Variants in STRBP observed in about 807,000 individuals in gnomAD.
STRBP encodes spermatid perinuclear RNA-binding protein.
A neutral mutation model predicts 80.1 loss-of-function variants in STRBP; 13 were observed. The observed-to-expected ratio is 0.16, with a 90% CI of 0.11 to 0.26. The LOEUF (loss-of-function observed/expected upper bound fraction) is 0.26, where lower values mean the gene tolerates loss of function less well. Among genes scored for constraint, STRBP ranks in the 10% least tolerant of loss-of-function variants. STRBP has a pLI of 1.00. For synonymous variants in STRBP, 284 were observed against 291.2 expected (o/e 0.98, Z 0.25); for missense variants, 485 against 815.2 (o/e 0.59, Z 4.93).
chr9:123,260,634 C>T (rs966331409), intron 1 of STRBP, among the ~76,000 whole-genome samples: 13 of 152,124 alleles, frequency 8.5e-5, no homozygotes, highest in South Asian at 6.2e-4. Context: ...GTTGTGGTTA[C>T]GTGGTTTTTT....
intron 2 of STRBP, among the ~76,000 whole-genome samples, chr9:123,223,043 G>C (rs1450983686): frequency 6.9e-6 from 1 of 144,256 alleles, no homozygotes; most frequent in Non-Finnish European, 1.5e-5. Flanking sequence ...AGCTCAGATA[G>C]ATAGATGATA....
At chr9:123,134,955 A>C (rs1030546675) in intron 16 of STRBP, among the ~76,000 whole-genome samples, 5 of 152,224 alleles carry the variant, frequency 3.3e-5, no homozygotes, top group Non-Finnish European at 4.4e-5. Context: ...CATTAAAATA[A>C]GTTTTCTCTA....
chr9:123,119,307 C>T (rs2035693163), downstream of STRBP, among the ~76,000 whole-genome samples: 5 of 151,966 alleles, frequency 3.3e-5, no homozygotes, highest in South Asian at 1.0e-3. Flanking sequence ...TATTAATGCA[C>T]TGGTTGGACA....
chr9:123,212,836 T>C (rs1158837789), intron 2 of STRBP: 1 of 152,208 alleles, frequency 6.6e-6, no homozygotes, highest in African/African-American at 2.4e-5. Flanking sequence ...ATCACAGACA[T>C]TCCTGTGTGG....
chr9:123,203,586 T>G (rs943850326), intron 2 of STRBP, among the ~76,000 whole-genome samples: 2 of 152,108 alleles, frequency 1.3e-5, no homozygotes, highest in Admixed American at 6.6e-5. Context: ...ACTTGCTAGT[T>G]TGCCCCCAAT....
Position 123,179,191 on chromosome 9 carries a change from C to T in STRBP, c.40G>A (p.Val14Ile), listed in dbSNP as rs1370385287. Residue 14 changes from valine to isoleucine, a missense_variant, in exon 4 of 19, where the codon GTT becomes ATT. Transcript: ENST00000348403. ...TAGATTGTTGAATGTTTCACCATAA[C>T]ATGGCGATCATCATTAGCAAAAGAT... ...IRSFANDDRH[V>I]MVKHSTIYPS... 1.2e-6 allele frequency: 2 copies of T among 1,609,926 alleles called. No individual in the cohort carries two copies. Among genetic ancestry groups the T allele is most frequent in the African/African-American group, 1.3e-5 (1 of 74,882 alleles).
intron 4 of STRBP, among the ~76,000 whole-genome samples, chr9:123,177,123 C>T (rs1210270576): frequency 6.6e-6 from 1 of 152,184 alleles, no homozygotes; most frequent in Non-Finnish European, 1.5e-5. Flanking sequence ...CCTTGGAATA[C>T]ATGCCAGCCT....
intron 2 of STRBP, among the ~76,000 whole-genome samples, chr9:123,203,923 G>T (rs2039420363): frequency 6.6e-6 from 1 of 152,178 alleles, no homozygotes; most frequent in South Asian, 2.1e-4. Context: ...AGTGAGCCAA[G>T]ATCGCGCCAC....
In STRBP at chr9:123,124,255, AGACATGG is replaced by A; in HGVS notation, c.*1335_*1341del. On this transcript the variant is annotated 3_prime_UTR_variant, in exon 19 of 19. Transcript: ENST00000348403. The stretch of plus-strand genomic sequence containing the variant: ...TTCATACTAAAAACAGACATTTTTA[AGACATGG>A]TGCCTTATAAATATTGACAGGGGAC... 10 of 985,454 alleles carry A rather than the reference AGACATGG, an allele frequency of 1.0e-5. No individual in the cohort carries two copies. Among genetic ancestry groups the A allele is most frequent in the Non-Finnish European group, 1.2e-5 (10 of 829,936 alleles). The allele number at this position is 985,454 out of a possible 1,614,324, so 61.0% of individuals were successfully genotyped here.
chr9:123,113,434 TC>T (rs1426298027), intron 3 of STRBP: 3 of 167,280 alleles, frequency 1.8e-5, no homozygotes, highest in Non-Finnish European at 4.4e-5. Flanking sequence ...TAAACCCGAC[TC>T]CGGAGCTGCC....
At chr9:123,263,528 A>AT (rs2041202793) in intron 1 of STRBP, among the ~76,000 whole-genome samples, 1 of 149,932 alleles carries the variant, frequency 6.7e-6, no homozygotes, top group Admixed American at 6.7e-5. Flanking sequence ...CTGTCTCAAA[A>AT]AAAAAAAAAA....
rs1006058287 is a variant in STRBP, at chr9:123,139,556, A to C, written c.1470T>G (p.Ser490=). Reference sequence around the variant, plus strand: ...CTAAGGTACTGGAGGTTTCAGTTGTAGAATTTCCAGTATTATTGCTTGAGT... The same window carrying C: ...CTAAGGTACTGGAGGTTTCAGTTGTCGAATTTCCAGTATTATTGCTTGAGT... ...SSNSSNNTGN[S]TTETSSTLEV... The change falls in exon 14 of 19, where the codon TCT becomes TCG. Residue 490 remains serine (S), a synonymous_variant. Transcript: ENST00000348403. The C allele has an allele frequency of 1.2e-6, 2 of 1,611,760 alleles. No individual in the cohort carries two copies. The highest frequency in any genetic ancestry group is 1.7e-6 in the Non-Finnish European group (2 of 1,179,454).
At chr9:123,185,136 C>A (rs1410788447) in intron 2 of STRBP, among the ~76,000 whole-genome samples, 1 of 151,878 alleles carries the variant, frequency 6.6e-6, no homozygotes, top group Non-Finnish European at 1.5e-5. Context: ...ACAGCACATG[C>A]TTTAACTATG....
intron 4 of STRBP, among the ~76,000 whole-genome samples, chr9:123,177,537 C>T (rs149713769): frequency 8.2e-4 from 124 of 152,036 alleles, no homozygotes; most frequent in African/African-American, 2.7e-3. Flanking sequence ...CACACTACTA[C>T]GCTCCAGCCT....
chr9:123,176,012 A>G (rs2038203117), intron 4 of STRBP, among the ~76,000 whole-genome samples: 1 of 152,218 alleles, frequency 6.6e-6, no homozygotes, highest in African/African-American at 2.4e-5. Context: ...AATTTCAAAT[A>G]ACTTGACTTC....
chr9:123,178,184 T>G (rs2038303686), intron 4 of STRBP, among the ~76,000 whole-genome samples: 1 of 152,216 alleles, frequency 6.6e-6, no homozygotes, highest in Non-Finnish European at 1.5e-5. Flanking sequence ...CCTATTATTA[T>G]TTACTTATCA....
At chr9:123,258,546 G>A (rs2041085740) in intron 1 of STRBP, among the ~76,000 whole-genome samples, 2 of 152,190 alleles carry the variant, frequency 1.3e-5, no homozygotes, top group South Asian at 2.1e-4. Flanking sequence ...GCTCACGCCT[G>A]TAATCCCAGC....
chr9:123,221,270 C>T (rs1406928064), intron 2 of STRBP, among the ~76,000 whole-genome samples: 2 of 152,114 alleles, frequency 1.3e-5, no homozygotes, highest in Non-Finnish European at 2.9e-5. Flanking sequence ...CTTTGCCATT[C>T]CTCCCACATC....
chr9:123,239,904 C>T (rs1257666831), intron 1 of STRBP, among the ~76,000 whole-genome samples: 1 of 152,174 alleles, frequency 6.6e-6, no homozygotes, highest in Non-Finnish European at 1.5e-5. Flanking sequence ...ACCTATGAGG[C>T]AAGTACAGGT....
Sources: allele counts gnomAD v4.1 joint callset (sites outside exome capture counted in the v4.1 genomes callset), GRCh38; gene constraint gnomAD v4.1.1; transcripts MANE v1.5; gene names NCBI Gene and HGNC (gene_info 2026-07-23, HGNC 2026-07-21).